The following SIGLEC5 variants were observed in gnomAD, a reference collection of about 807,000 sequenced individuals.
SIGLEC5 encodes sialic acid binding Ig like lectin 5.
In SIGLEC5, 34 loss-of-function variants were observed where a neutral mutation model predicts 45.9. The ratio of observed to expected loss-of-function variants is 0.74; its 90% CI spans 0.56 to 0.99. The LOEUF (loss-of-function observed/expected upper bound fraction) is 0.99, where lower values mean the gene tolerates loss of function less well. Among genes scored for constraint, SIGLEC5 ranks in the 50% least tolerant of loss-of-function variants. The pLI, the probability that SIGLEC5 is intolerant of heterozygous loss-of-function variation, is 0.00. For synonymous variants in SIGLEC5, 203 were observed against 258.6 expected, an observed-to-expected ratio of 0.79 and a Z score of 2.06; for missense variants, 508 against 629.6, an observed-to-expected ratio of 0.81 and a Z score of 2.07.
At chr19:51,615,101 AGT>A (rs1338238850) in intron 8 of SIGLEC5, among the ~76,000 whole-genome samples, 1 of 152,176 alleles carries the variant, frequency 6.6e-6, no homozygotes, top group Non-Finnish European at 1.5e-5. Context: ...ATGGCATGAA[AGT>A]GTGCAGAATG....
intron 8 of SIGLEC5, among the ~76,000 whole-genome samples, chr19:51,620,058 AAT>A (rs146205373): frequency 8.0e-5 from 12 of 149,084 alleles, no homozygotes; most frequent in Non-Finnish European, 1.0e-4. Flanking sequence ...CTTTTGTCAA[AAT>A]ATATATATAT....
At position 51,612,269 on chromosome 19, in the gene SIGLEC5, T is replaced by C. The variant is rs571992822; in HGVS notation, c.1618A>G (p.Ser540Gly). ...SREPKDQEAP[S>G]TTEYSEIKTS... is the part of the protein sequence containing the mutation. Reference sequence around the variant, plus strand: ...TTGATCTCCGAGTACTCCGTGGTGCTTGGGGCCTCCTGGTCCTTAGGCTCC... The same window carrying C: ...TTGATCTCCGAGTACTCCGTGGTGCCTGGGGCCTCCTGGTCCTTAGGCTCC... Residue 540 changes from serine to glycine, a missense_variant, in exon 9 of 9, where the codon AGC becomes GGC. Physicochemically the swap from Ser to Gly is moderately conservative, Grantham distance 56. Coordinates refer to ENST00000683636, the MANE Select transcript of SIGLEC5 (RefSeq NM_003830.4). 3 of 1,611,308 alleles carry C rather than the reference T, an allele frequency of 1.9e-6. No individual in the cohort carries two copies. The highest frequency in any genetic ancestry group is 4.5e-5 in the East Asian group (2 of 44,726).
rs571502799 is a variant in SIGLEC5, at chr19:51,613,502, C to T, written c.1465-1080G>A. 7.2e-5 allele frequency among the ~76,000 whole-genome samples: 11 copies of T among 152,108 alleles called. No homozygotes were observed. The South Asian group carries it at 1.0e-3, about 14-fold the overall frequency. ...TCTATGTCTGATTTCTCACACTGTA[C>T]GTGCCCAGGAACCGGCACAGGGCAG... On this transcript the variant is annotated intron_variant, in intron 8 of 8. Coordinates refer to ENST00000683636, the MANE Select transcript of SIGLEC5 (RefSeq NM_003830.4).
intron 4 of SIGLEC5, among the ~76,000 whole-genome samples, chr19:51,628,758 GTGTA>G (rs1016420653): frequency 1.4e-5 from 2 of 140,732 alleles, no homozygotes; most frequent in South Asian, 4.4e-4. Context: ...GCATGTGTGT[GTGTA>G]TGTGCGTGTG....
rs1982846223 is a variant in SIGLEC5, at chr19:51,611,453, G to C, written c.*778C>G. ...ACCAGCATGAAAGGCTTAAGGAAGGGTTAGGCAAGAGGAAAGTATAAATGA... is the reference window on the plus strand; with the variant it reads ...ACCAGCATGAAAGGCTTAAGGAAGGCTTAGGCAAGAGGAAAGTATAAATGA... On this transcript the variant is annotated 3_prime_UTR_variant, in exon 9 of 9. Coordinates refer to ENST00000683636, the MANE Select transcript of SIGLEC5 (RefSeq NM_003830.4). Among the ~76,000 whole-genome samples, 1 of 152,210 alleles carries C rather than the reference G, an allele frequency of 6.6e-6. No homozygotes were observed. The highest frequency in any genetic ancestry group is 1.5e-5 in the Non-Finnish European group (1 of 68,040).
At position 51,627,825 on chromosome 19, in the gene SIGLEC5, C is replaced by T; in HGVS notation, c.997+9G>A. ...ATGCAGTTCCTGCTCCAGCTGCCCC[C>T]ACACTCACAGTAAACTGAGAGATTC... On this transcript the variant is annotated intron_variant, in intron 5 of 8. Coordinates refer to ENST00000683636, the MANE Select transcript of SIGLEC5 (RefSeq NM_003830.4). 3 of 1,593,506 alleles carry T rather than the reference C, an allele frequency of 1.9e-6. No homozygotes were observed. The highest frequency in any genetic ancestry group is 2.6e-6 in the Non-Finnish European group (3 of 1,169,018).
rs569388673 is a variant in SIGLEC5, at chr19:51,611,104, C to A, written c.*1127G>T. On this transcript the variant is annotated 3_prime_UTR_variant, in exon 9 of 9. Coordinates refer to ENST00000683636, the MANE Select transcript of SIGLEC5 (RefSeq NM_003830.4). ...GGTGGTAGATATTGAGAATCAATGT[C>A]CTCCCAGTACTCCACTGGAATTATC... Among the ~76,000 whole-genome samples, 2 of 152,174 alleles carry A rather than the reference C, an allele frequency of 1.3e-5. No individual in the cohort carries two copies. The highest frequency in any genetic ancestry group is 2.9e-5 in the Non-Finnish European group (2 of 68,038).
chr19:51,622,477 AG>A (rs1983329936), intron 8 of SIGLEC5, among the ~76,000 whole-genome samples: 1 of 150,284 alleles, frequency 6.7e-6, no homozygotes, highest in Non-Finnish European at 1.5e-5. Context: ...AAAAAAAAAA[AG>A]GACCAAGAAT....
At chr19:51,628,912 C>T in intron 4 of SIGLEC5, 126 bp downstream of exon 4, 1 of 952,762 alleles carries the variant, frequency 1.0e-6, no homozygotes, top group Non-Finnish European at 1.6e-6. Flanking sequence ...AAGGTGGAAG[C>T]CAGAAGGCAG....
In SIGLEC5 at chr19:51,612,415, C is replaced by T; in HGVS notation, c.1472G>A (p.Arg491Lys). The change falls in exon 9 of 9, where the codon AGG (arginine) becomes AAG (lysine). Residue 491 changes from arginine to lysine, a missense_variant. Arg to Lys is a conservative substitution (Grantham distance 26). Transcript: ENST00000683636. Reference protein sequence around the residue: ...PIMGTITSGSRKKPWPDSPGD... With the variant: ...PIMGTITSGSKKKPWPDSPGD... ...GGGGCTGTCTGGCCAGGGCTTCTTCCTGGAACCCTGAGTAAAGGGGAAGGA... is the reference window on the plus strand; with the variant it reads ...GGGGCTGTCTGGCCAGGGCTTCTTCTTGGAACCCTGAGTAAAGGGGAAGGA... The T allele has an allele frequency of 6.2e-7, 1 of 1,607,820 alleles. No individual in the cohort carries two copies. Among genetic ancestry groups the T allele is most frequent in the Non-Finnish European group, 8.5e-7 (1 of 1,177,208 alleles).
In SIGLEC5 at chr19:51,612,230, C is replaced by A; in HGVS notation, c.*1G>T. Reference sequence around the variant, plus strand: ...GCCAGGACTGAACTCTGGGCAAATCCTCACTTGCTTGTCTTGATCTCCGAG... The same window carrying A: ...GCCAGGACTGAACTCTGGGCAAATCATCACTTGCTTGTCTTGATCTCCGAG... On this transcript the variant is annotated 3_prime_UTR_variant, in exon 9 of 9. Transcript: ENST00000683636. 1 of 1,589,834 alleles carries A rather than the reference C, an allele frequency of 6.3e-7. No homozygotes were observed. The highest frequency in any genetic ancestry group is 8.6e-7 in the Non-Finnish European group (1 of 1,164,502).
intron 8 of SIGLEC5, among the ~76,000 whole-genome samples, chr19:51,624,607 C>G (rs759409596): frequency 6.6e-6 from 1 of 152,106 alleles, no homozygotes; most frequent in Admixed American, 6.6e-5. Flanking sequence ...AGGAGACACG[C>G]TGGACAGAAA....
At chr19:51,624,268 C>T (rs747250971) in intron 8 of SIGLEC5, among the ~76,000 whole-genome samples, 5 of 152,034 alleles carry the variant, frequency 3.3e-5, no homozygotes, top group South Asian at 2.1e-4. Context: ...AAGAAGTGTG[C>T]GTGGAACATG....
At position 51,612,237 on chromosome 19, in the gene SIGLEC5, G is replaced by A; in HGVS notation, c.1650C>T (p.Ser550=). 1.3e-6 allele frequency: 2 copies of A among 1,596,774 alleles called. No homozygotes were observed. The highest frequency in any genetic ancestry group is 1.7e-6 in the Non-Finnish European group (2 of 1,169,118). ...CTGAACTCTGGGCAAATCCTCACTT[G>A]CTTGTCTTGATCTCCGAGTACTCCG... ...STTEYSEIKT[S]K is the part of the protein sequence containing the mutation. Residue 550 remains serine, a synonymous_variant, in exon 9 of 9, where the codon AGC becomes AGT. Coordinates refer to ENST00000683636, the MANE Select transcript of SIGLEC5 (RefSeq NM_003830.4).
chr19:51,629,779 T>TC, intron 2 of SIGLEC5, 54 bp downstream of exon 2: 1 of 1,295,982 alleles, frequency 7.7e-7, no homozygotes, highest in East Asian at 2.2e-5. Flanking sequence ...CTGTCCCTGT[T>TC]CTCATACGGG....
Position 51,612,413 on chromosome 19 carries a change from TC to T in SIGLEC5, c.1473del (p.Lys492ArgfsTer37), listed in dbSNP as rs771812603. ...CCGGGGCTGTCTGGCCAGGGCTTCT[TC>T]CTGGAACCCTGAGTAAAGGGGAAGG... Reference protein sequence around the residue: ...PIMGTITSGSRKKPWPDSPGD... With the variant: ...PIMGTITSGSXKKPWPDSPGD... On this transcript the variant is annotated frameshift_variant, in exon 9 of 9. Transcript: ENST00000683636. LOFTEE classifies it low-confidence loss of function (END_TRUNC). The T allele has an allele frequency of 7.1e-4, 1,143 of 1,609,222 alleles. 1 individual carries two copies. The highest frequency in any genetic ancestry group is 9.1e-4 in the Non-Finnish European group (1,067 of 1,178,018).
In SIGLEC5 at chr19:51,628,023, C is replaced by T. The variant is rs1170176687; in HGVS notation, c.808G>A (p.Asp270Asn). 6.2e-7 allele frequency: 1 copy of T among 1,604,844 alleles called. No individual in the cohort carries two copies. Among genetic ancestry groups the T allele is most frequent in the East Asian group, 2.2e-5 (1 of 44,740 alleles). ...TGTGCAGGGGGGTTGCTGGGAGCAT[C>T]ACAGAGCAGCCGCAGAGCCTGGCCC... ...LEGQALRLLC[D>N]APSNPPAHLS... The change falls in exon 5 of 9, where the codon GAT becomes AAT. Residue 270 changes from aspartate (D) to asparagine (N), a missense_variant. Around this residue, in one of 2 missense-constraint regions of SIGLEC5, gnomAD observed 431 missense variants for 428.8 expected, o/e 1.01. Coordinates refer to ENST00000683636, the MANE Select transcript of SIGLEC5 (RefSeq NM_003830.4).
At chr19:51,622,811 C>A (rs1009675719) in intron 8 of SIGLEC5, among the ~76,000 whole-genome samples, 1 of 152,162 alleles carries the variant, frequency 6.6e-6, no homozygotes, top group Non-Finnish European at 1.5e-5. Context: ...CTCTCTATGT[C>A]CATCAGTTCA....
chr19:51,621,115 C>T (rs948539378), intron 8 of SIGLEC5: 2 of 152,178 alleles, frequency 1.3e-5, no homozygotes, highest in African/African-American at 2.4e-5. Flanking sequence ...ATGAGTTTTA[C>T]TTGCTGCATT....
Sources: allele counts gnomAD v4.1 joint callset (sites outside exome capture counted in the v4.1 genomes callset), GRCh38; gene constraint gnomAD v4.1.1; regional missense constraint gnomAD v4.1.1; transcripts MANE v1.5; gene names NCBI Gene and HGNC (gene_info 2026-07-23, HGNC 2026-07-21).